The following RUNX1 variants were observed in gnomAD, a reference collection of about 807,000 sequenced individuals.
RUNX1 encodes runt-related transcription factor 1.
A neutral mutation model predicts 42.8 loss-of-function variants in RUNX1; 19 were observed. The observed-to-expected ratio is 0.44, with a 90% CI of 0.31 to 0.65. The LOEUF (loss-of-function observed/expected upper bound fraction) is 0.65, where lower values mean the gene tolerates loss of function less well. RUNX1 is among the 30% of genes least tolerant of loss of function. The pLI is 0.07. For synonymous variants in RUNX1, 271 were observed against 289.4 expected (o/e 0.94, Z 0.64); for missense variants, 528 against 672.0 (o/e 0.79, Z 2.37).
intron 2 of RUNX1, among the ~76,000 whole-genome samples, chr21:34,920,778 ATT>A (rs1381341736): frequency 3.5e-5 from 2 of 57,612 alleles, no homozygotes; most frequent in Non-Finnish European, 1.3e-4. Context: ...CTAAATAAAC[ATT>A]TTTTCATGTT....
intron 6 of RUNX1, chr21:34,856,538 A>G: frequency 2.1e-6 from 1 of 466,334 alleles, no homozygotes; most frequent in Non-Finnish European, 4.2e-6. Context: ...GAAGGACAGC[A>G]CAGAAGTAGA....
At chr21:34,861,204 C>T (rs958987748) in intron 5 of RUNX1, among the ~76,000 whole-genome samples, 7 of 152,264 alleles carry the variant, frequency 4.6e-5, no homozygotes, top group East Asian at 1.9e-4. Flanking sequence ...TGTTATCAGG[C>T]GACACTCTGG....
At chr21:35,003,681 C>T (rs1161302889) in intron 2 of RUNX1, among the ~76,000 whole-genome samples, 3 of 152,206 alleles carry the variant, frequency 2.0e-5, no homozygotes, top group African/African-American at 7.2e-5. Flanking sequence ...TTTGTAATGG[C>T]ACCTCTTCAA....
At position 34,789,289 on chromosome 21, in the gene RUNX1, T is replaced by C. The variant is rs1235706809; in HGVS notation, c.*2846A>G. 4.4e-6 allele frequency: 1 copy of C among 229,278 alleles called. No individual in the cohort carries two copies. Among genetic ancestry groups the C allele is most frequent in the Non-Finnish European group, 8.5e-6 (1 of 117,320 alleles). The allele number at this position is 229,278 out of a possible 1,614,324, so 14.2% of individuals were successfully genotyped here. A position where few individuals can be genotyped will look rare whatever the true frequency, so the allele number is the denominator to read the frequency against. On this transcript the variant is annotated 3_prime_UTR_variant, in exon 9 of 9. Coordinates refer to ENST00000675419, the MANE Select transcript of RUNX1 (RefSeq NM_001754.5). ...CACAGGAAAAGGAGGAGGGAGAAAGTGGGGTTTGGAAGATAGAGGAAGAGA... is the reference window on the plus strand; with the variant it reads ...CACAGGAAAAGGAGGAGGGAGAAAGCGGGGTTTGGAAGATAGAGGAAGAGA...
intron 8 of RUNX1, among the ~76,000 whole-genome samples, chr21:34,797,119 T>C (rs769516891): frequency 3.9e-5 from 6 of 152,222 alleles, no homozygotes; most frequent in Non-Finnish European, 7.3e-5. Flanking sequence ...CCAGGCTTGA[T>C]TTCTCAGAGG....
At chr21:34,922,938 A>G (rs961791520) in intron 2 of RUNX1, among the ~76,000 whole-genome samples, 3 of 152,242 alleles carry the variant, frequency 2.0e-5, no homozygotes, top group African/African-American at 7.2e-5. Flanking sequence ...ATCATTCTAA[A>G]TCTTCACAAC....
At chr21:35,021,311 C>T (rs1187109539) in intron 2 of RUNX1, among the ~76,000 whole-genome samples, 1 of 152,192 alleles carries the variant, frequency 6.6e-6, no homozygotes, top group Non-Finnish European at 1.5e-5. Flanking sequence ...TAGAACAATT[C>T]CTGGCACATA....
At chr21:34,918,940 G>A (rs11702617) in intron 2 of RUNX1, among the ~76,000 whole-genome samples, 126,367 of 152,128 alleles carry the variant, frequency 0.83, 53,270 homozygotes, top group South Asian at 0.95. Flanking sequence ...TACATGAAAT[G>A]TATGTGTGAA....
intron 2 of RUNX1, among the ~76,000 whole-genome samples, chr21:35,015,541 G>A (rs1281632287): frequency 6.6e-6 from 1 of 152,170 alleles, no homozygotes; most frequent in African/African-American, 2.4e-5. Flanking sequence ...TGCCAGTGGT[G>A]GAAGAGGTGG....
At chr21:34,967,096 G>A (rs1178712399) in intron 2 of RUNX1, among the ~76,000 whole-genome samples, 3 of 151,638 alleles carry the variant, frequency 2.0e-5, no homozygotes, top group Non-Finnish European at 2.9e-5. Context: ...CAAGGCGAGT[G>A]GATCATGAAG....
intron 2 of RUNX1, among the ~76,000 whole-genome samples, chr21:34,906,885 G>C (rs1250832740): frequency 6.6e-6 from 1 of 152,184 alleles, no homozygotes; most frequent in Non-Finnish European, 1.5e-5. Context: ...TTAAGAAGCA[G>C]AGCCCATCTC....
chr21:35,004,880 G>A (rs2059072737), intron 2 of RUNX1, among the ~76,000 whole-genome samples: 1 of 152,190 alleles, frequency 6.6e-6, no homozygotes, highest in African/African-American at 2.4e-5. Flanking sequence ...CAAGAACATG[G>A]ATGTGGTGCC....
At chr21:34,923,889 C>T (rs1021719447) in intron 2 of RUNX1, among the ~76,000 whole-genome samples, 8 of 113,172 alleles carry the variant, frequency 7.1e-5, no homozygotes, top group Non-Finnish European at 1.4e-4. Context: ...CCATGTCTCT[C>T]GCGTTAAAAT....
At chr21:34,855,880 T>C (rs73201064) in intron 6 of RUNX1, among the ~76,000 whole-genome samples, 1 of 152,324 alleles carries the variant, frequency 6.6e-6, no homozygotes, top group Non-Finnish European at 1.5e-5. Flanking sequence ...TAAGAACCCA[T>C]TCCAGGCAGA....
At chr21:34,877,293 G>A (rs2057828400) in intron 5 of RUNX1, among the ~76,000 whole-genome samples, 1 of 152,152 alleles carries the variant, frequency 6.6e-6, no homozygotes, top group African/African-American at 2.4e-5. Flanking sequence ...CAGTGAATTC[G>A]TTTCACATAA....
chr21:35,019,825 T>C (rs2059185481), intron 2 of RUNX1, among the ~76,000 whole-genome samples: 1 of 152,120 alleles, frequency 6.6e-6, no homozygotes, highest in Non-Finnish European at 1.5e-5. Flanking sequence ...ACACAGCTAC[T>C]CACTGGGAAA....
intron 2 of RUNX1, among the ~76,000 whole-genome samples, chr21:34,958,214 A>G (rs2058658597): frequency 6.6e-6 from 1 of 152,206 alleles, no homozygotes; most frequent in South Asian, 2.1e-4. Flanking sequence ...AGACACTGCC[A>G]GCGCCCAGCT....
At chr21:35,000,484 C>T (rs1185189993) in intron 2 of RUNX1, among the ~76,000 whole-genome samples, 2 of 152,194 alleles carry the variant, frequency 1.3e-5, no homozygotes, top group Non-Finnish European at 2.9e-5. Flanking sequence ...TCGTGATCTG[C>T]CCACCTCGGC....
chr21:34,810,954 C>T (rs924865555), intron 7 of RUNX1, among the ~76,000 whole-genome samples: 10 of 152,150 alleles, frequency 6.6e-5, no homozygotes, highest in Admixed American at 6.5e-4. Flanking sequence ...TAGCATGCAC[C>T]GCTAGGATGC....
Sources: gnomAD v4.1 joint callset for allele counts (sites outside exome capture counted in the v4.1 genomes callset) on GRCh38, gnomAD v4.1.1 for gene constraint, MANE v1.5 for transcripts, NCBI Gene and HGNC (gene_info 2026-07-23, HGNC 2026-07-21) for gene names.